HK2: variants seen among roughly 807,000 people sequenced by gnomAD.
HK2 encodes the protein hexokinase-2.
A neutral mutation model predicts 92.9 loss-of-function variants in HK2; 42 were observed. That is an observed-to-expected ratio of 0.45 (90% CI 0.35 to 0.58). The LOEUF (loss-of-function observed/expected upper bound fraction) is 0.58, where lower values mean the gene tolerates loss of function less well. HK2 is among the 20% of genes least tolerant of loss of function. The probability of loss-of-function intolerance (pLI) is 0.00; values close to 1 mark genes in which losing one functional copy is unlikely to be tolerated. For missense variants in HK2, 978 were observed against 1,245.1 expected, an observed-to-expected ratio of 0.79 and a Z score of 3.23; for synonymous variants, 422 against 468.0, an observed-to-expected ratio of 0.90 and a Z score of 1.27.
chr2:74,857,449 C>A (rs1688721118), intron 2 of HK2, among the ~76,000 whole-genome samples: 1 of 152,204 alleles, frequency 6.6e-6, no homozygotes, highest in South Asian at 2.1e-4. Flanking sequence ...ATGCCCTGAA[C>A]AGACTCCTGT....
intron 3 of HK2, among the ~76,000 whole-genome samples, chr2:74,868,503 TTAGAG>T (rs892852306): frequency 2.6e-5 from 4 of 152,154 alleles, no homozygotes; most frequent in Non-Finnish European, 5.9e-5. Context: ...GTGGTGTAGA[TTAGAG>T]GAGATGATAC....
Position 74,843,257 on chromosome 2 carries a change from C to A in HK2, c.63+8614C>A, listed in dbSNP as rs967790797. On this transcript the variant is annotated intron_variant, in intron 1 of 17. Coordinates refer to ENST00000290573, the MANE Select transcript of HK2 (RefSeq NM_000189.5). Reference sequence around the variant, plus strand: ...CAGCTCTTTGCCCCTCATATACAGACCCTGGGCTGTTGAGTGTGTTCCTTC... The same window carrying A: ...CAGCTCTTTGCCCCTCATATACAGAACCTGGGCTGTTGAGTGTGTTCCTTC... 2.0e-5 allele frequency among the ~76,000 whole-genome samples: 3 copies of A among 152,100 alleles called. No individual in the cohort carries two copies. The East Asian group carries it at 5.8e-4, about 29-fold the overall frequency.
In HK2 at chr2:74,867,545, A is replaced by G. The variant is rs529741061; in HGVS notation, c.227-91A>G. 9 of 1,454,248 alleles carry G rather than the reference A, an allele frequency of 6.2e-6. No individual in the cohort carries two copies. In the African/African-American group the frequency reaches 9.8e-5, roughly 16 times the overall value. The allele number at this position is 1,454,248 out of a possible 1,614,324, so 90.1% of individuals were successfully genotyped here. ...CCCACTGGCCGCCCCTTACCCACAGATATTCCTGGAGGGACTTGGAGTTTT... is the reference window on the plus strand; with the variant it reads ...CCCACTGGCCGCCCCTTACCCACAGGTATTCCTGGAGGGACTTGGAGTTTT... On this transcript the variant is annotated intron_variant, in intron 2 of 17. Transcript: ENST00000290573.
chr2:74,843,209 TG>T (rs1254178339), intron 1 of HK2, among the ~76,000 whole-genome samples: 4 of 152,174 alleles, frequency 2.6e-5, no homozygotes, highest in South Asian at 4.1e-4. Flanking sequence ...TGAGGTTCCC[TG>T]GGCATCCTGG....
At position 74,877,339 on chromosome 2, in the gene HK2, C is replaced by T; in HGVS notation, c.1031+18C>T. 2 of 1,613,962 alleles carry T rather than the reference C, an allele frequency of 1.2e-6. No individual in the cohort carries two copies. The highest frequency in any genetic ancestry group is 1.7e-6 in the Non-Finnish European group (2 of 1,179,906). The stretch of plus-strand genomic sequence containing the variant: ...ATTGAAGGGTGAGCTTCTGGCCAGC[C>T]CCCTCTATTTGCTGGATCACCACAC... On this transcript the variant is annotated intron_variant, in intron 8 of 17. Coordinates refer to ENST00000290573, the MANE Select transcript of HK2 (RefSeq NM_000189.5).
intron 2 of HK2, among the ~76,000 whole-genome samples, chr2:74,856,906 A>G (rs1688708954): frequency 6.6e-6 from 1 of 152,188 alleles, no homozygotes; most frequent in Admixed American, 6.5e-5. Context: ...TTTTTTTGGA[A>G]CGGAGTTGGG....
At chr2:74,859,193 A>G (rs1293060473) in intron 2 of HK2, among the ~76,000 whole-genome samples, 1 of 152,252 alleles carries the variant, frequency 6.6e-6, no homozygotes, top group African/African-American at 2.4e-5. Flanking sequence ...CCAGCTTGTT[A>G]TAATTGATGC....
Position 74,834,435 on chromosome 2 carries a change from G to A in HK2, c.-146G>A, listed in dbSNP as rs1688096862. On this transcript the variant is annotated 5_prime_UTR_variant, in exon 1 of 18. Transcript: ENST00000290573. This position sits in a 1 kb window ranked among gnomAD's most constrained non-coding sequence, Gnocchi z 4.2. Reference sequence around the variant, plus strand: ...TCCGCCAGCCGGGCGCACCCTCGCCGGTAGCCTTCTTTGTGCGCCGTCCGG... The same window carrying A: ...TCCGCCAGCCGGGCGCACCCTCGCCAGTAGCCTTCTTTGTGCGCCGTCCGG... 2 of 786,952 alleles carry A rather than the reference G, an allele frequency of 2.5e-6. No homozygotes were observed. The highest frequency in any genetic ancestry group is 4.3e-6 in the Non-Finnish European group (2 of 460,592). The allele number at this position is 786,952 out of a possible 1,614,324, so 48.7% of individuals were successfully genotyped here. A position where few individuals can be genotyped will look rare whatever the true frequency, so the allele number is the denominator to read the frequency against.
chr2:74,843,183 CT>C (rs2103843610), intron 1 of HK2, among the ~76,000 whole-genome samples: 1 of 152,302 alleles, frequency 6.6e-6, no homozygotes, highest in African/African-American at 2.4e-5. Context: ...TTCTCACATT[CT>C]TTCGGCAGAT....
At chr2:74,844,068 GC>G (rs11300678) in intron 1 of HK2, among the ~76,000 whole-genome samples, 1,717 of 152,344 alleles carry the variant, frequency 0.011, 28 homozygotes, top group African/African-American at 0.038. Context: ...CAGAGCCAGT[GC>G]CCTTAACCCC....
intron 2 of HK2, among the ~76,000 whole-genome samples, chr2:74,856,419 C>T (rs892041625): frequency 6.6e-6 from 1 of 152,074 alleles, no homozygotes; most frequent in East Asian, 1.9e-4. Context: ...GGTGAGGGGC[C>T]TCTTATCTCT....
At chr2:74,869,694 A>T (rs1240164930) in intron 3 of HK2, among the ~76,000 whole-genome samples, 1 of 152,242 alleles carries the variant, frequency 6.6e-6, no homozygotes, top group African/African-American at 2.4e-5. Context: ...TCATAAAATG[A>T]TGCCCTTTGA....
At chr2:74,870,005 T>C (rs1211326960) in intron 3 of HK2, among the ~76,000 whole-genome samples, 3 of 145,494 alleles carry the variant, frequency 2.1e-5, no homozygotes, top group African/African-American at 7.9e-5. Flanking sequence ...TCTTTTCTTT[T>C]TTTTTTTTTT....
chr2:74,845,190 C>G (rs1688407993), intron 1 of HK2, among the ~76,000 whole-genome samples: 1 of 152,198 alleles, frequency 6.6e-6, no homozygotes, highest in African/African-American at 2.4e-5. Flanking sequence ...CTGTTCTGCC[C>G]TTCCTGTCAG....
chr2:74,885,531 C>T lies in HK2; in HGVS notation c.1877C>T (p.Ser626Phe), dbSNP rs1689500612. The T allele has an allele frequency of 5.6e-6, 9 of 1,613,978 alleles. No homozygotes were observed. The highest frequency in any genetic ancestry group is 6.8e-6 in the Non-Finnish European group (8 of 1,179,920). Residue 626 changes from serine to phenylalanine, a missense_variant, in exon 13 of 18, where the codon TCT becomes TTT. This residue lies in a region of HK2 where 742 missense variants were observed against 922.5 expected (regional missense o/e 0.80). Coordinates refer to ENST00000290573, the MANE Select transcript of HK2 (RefSeq NM_000189.5). ...AAGTGGACAAAAGGCTTCAAGGCATCTGGCTGCGAGGGCGAGGACGTGGTG... is the reference window on the plus strand; with the variant it reads ...AAGTGGACAAAAGGCTTCAAGGCATTTGGCTGCGAGGGCGAGGACGTGGTG... ...LLKWTKGFKA[S>F]GCEGEDVVTL...
rs777777033 is a variant in HK2 at position 74,867,653 on chromosome 2, G to A, written c.244G>A (p.Ala82Thr). ...CTCTGCAGAACACGGAGAGTTCCTGGCTCTGGATCTTGGAGGGACCAACTT... is the reference window on the plus strand; with the variant it reads ...CTCTGCAGAACACGGAGAGTTCCTGACTCTGGATCTTGGAGGGACCAACTT... ...PDGTEHGEFL[A>T]LDLGGTNFRV... The change falls in exon 3 of 18, where the codon GCT becomes ACT. Residue 82 changes from alanine (A) to threonine (T), a missense_variant. Physicochemically the swap from Ala to Thr is moderately conservative, Grantham distance 58. Coordinates refer to ENST00000290573, the MANE Select transcript of HK2 (RefSeq NM_000189.5). 6.2e-7 allele frequency: 1 copy of A among 1,613,570 alleles called. No individual in the cohort carries two copies. Among genetic ancestry groups the A allele is most frequent in the South Asian group, 1.1e-5 (1 of 91,030 alleles).
At chr2:74,840,743 G>T (rs1221270324) in intron 1 of HK2, among the ~76,000 whole-genome samples, 1 of 151,670 alleles carries the variant, frequency 6.6e-6, no homozygotes, top group Non-Finnish European at 1.5e-5. Context: ...GCCGGGCGTG[G>T]TGGCAGGCAC....
chr2:74,847,111 A>G (rs988844374), intron 1 of HK2, among the ~76,000 whole-genome samples: 3 of 152,090 alleles, frequency 2.0e-5, no homozygotes, highest in African/African-American at 7.2e-5. Context: ...ATATCCCAAG[A>G]CTGGGGAGAC....
At position 74,881,698 on chromosome 2, in the gene HK2, G is replaced by T; in HGVS notation, c.1571-13G>T. The T allele has an allele frequency of 1.9e-6, 3 of 1,613,848 alleles. No individual in the cohort carries two copies. The highest frequency in any genetic ancestry group is 2.5e-6 in the Non-Finnish European group (3 of 1,179,900). ...CTGCCCCAACTTATCACTTCCCTGG[G>T]CTTATTTTCCAGAGAAAGGGGACTT... On this transcript the variant is annotated splice_polypyrimidine_tract_variant and intron_variant, in intron 10 of 17. Coordinates refer to ENST00000290573, the MANE Select transcript of HK2 (RefSeq NM_000189.5).
Sources: allele counts gnomAD v4.1 joint callset (sites outside exome capture counted in the v4.1 genomes callset), GRCh38; gene constraint gnomAD v4.1.1; regional missense constraint gnomAD v4.1.1; non-coding constraint Gnocchi (gnomAD v3.1); transcripts MANE v1.5; gene names NCBI Gene and HGNC (gene_info 2026-07-23, HGNC 2026-07-21).